Variants in PPM1B observed in about 807,000 individuals in gnomAD.
The protein encoded by PPM1B is protein phosphatase, Mg2+/Mn2+ dependent 1B.
Under a neutral mutation model 43.0 loss-of-function variants are expected in PPM1B, and 22 were observed. That is an observed-to-expected ratio of 0.51 (90% confidence interval 0.37 to 0.73). PPM1B has a LOEUF of 0.73. Ranked by LOEUF, PPM1B falls within the 30% of genes least tolerant of loss-of-function variation. The pLI is 0.00. For synonymous variants in PPM1B, 217 were observed against 197.9 expected (o/e 1.10, Z -0.81); for missense variants, 632 against 584.2 (o/e 1.08, Z -0.84).
intron 1 of PPM1B, among the ~76,000 whole-genome samples, chr2:44,173,235 T>G (rs574850476): frequency 1.2e-4 from 18 of 152,358 alleles, no homozygotes; most frequent in Non-Finnish European, 2.4e-4. Context: ...AAGAACCCTT[T>G]ACTAAATTCT....
At chr2:44,212,596 A>C (rs1224420465) in intron 3 of PPM1B, among the ~76,000 whole-genome samples, 2 of 152,182 alleles carry the variant, frequency 1.3e-5, no homozygotes, top group Non-Finnish European at 2.9e-5. Context: ...GATATGTTTG[A>C]GTTTAAATCT....
At chr2:44,179,059 A>C (rs148555806) in intron 1 of PPM1B, among the ~76,000 whole-genome samples, 509 of 152,280 alleles carry the variant, frequency 3.3e-3, no homozygotes, top group African/African-American at 0.012. Flanking sequence ...TAATTGAATC[A>C]TGGGGACAGG....
downstream of PPM1B, among the ~76,000 whole-genome samples, chr2:44,235,051 C>T (rs1670573085): frequency 2.0e-5 from 3 of 152,150 alleles, no homozygotes; most frequent in Admixed American, 2.0e-4. Flanking sequence ...ATATTTTAGT[C>T]ACTTCAGATA....
chr2:44,242,617 G>C (rs763242450), intron 5 of PPM1B, among the ~76,000 whole-genome samples: 1 of 152,136 alleles, frequency 6.6e-6, no homozygotes, highest in Non-Finnish European at 1.5e-5. Context: ...TTTCTTACCA[G>C]TGTTGCACAT....
intron 3 of PPM1B, among the ~76,000 whole-genome samples, chr2:44,210,714 T>C (rs1047748935): frequency 6.6e-6 from 1 of 152,124 alleles, no homozygotes; most frequent in Non-Finnish European, 1.5e-5. Flanking sequence ...TCTCCTCTTA[T>C]TCCCCTGCCC....
At chr2:44,232,916 C>T (rs145842251), downstream of PPM1B, 44 of 976,114 alleles carry the variant, frequency 4.5e-5, no homozygotes, top group African/African-American at 6.7e-4. Flanking sequence ...CAATAATGTC[C>T]AAATTGTAAT....
intron 1 of PPM1B, among the ~76,000 whole-genome samples, chr2:44,187,569 G>T (rs983041383): frequency 3.9e-5 from 6 of 152,042 alleles, no homozygotes; most frequent in African/African-American, 1.5e-4. Context: ...TCTAAACATG[G>T]GATCTCTCCC....
rs554792833 is a variant in PPM1B at position 44,209,637 on chromosome 2, C to T, written c.964+310C>T. On this transcript the variant is annotated intron_variant, in intron 3 of 5. Transcript: ENST00000282412. ...CTAAAAATACAGAAAATTAGCCGGGCATGGTGGCACACACCTGTAGTCCCA... is the reference window on the plus strand; with the variant it reads ...CTAAAAATACAGAAAATTAGCCGGGTATGGTGGCACACACCTGTAGTCCCA... Among the ~76,000 whole-genome samples the T allele has an allele frequency of 2.3e-4, 35 of 152,178 alleles. No homozygotes were observed. The South Asian group carries it at 7.0e-3, about 31-fold the overall frequency.
chr2:44,227,601 C>T (rs988662479), intron 5 of PPM1B, among the ~76,000 whole-genome samples: 1 of 151,134 alleles, frequency 6.6e-6, no homozygotes, highest in African/African-American at 2.4e-5. Flanking sequence ...TCACTGCAAC[C>T]TCCACCTCCT....
intron 1 of PPM1B, among the ~76,000 whole-genome samples, chr2:44,199,610 C>T (rs1481483843): frequency 6.6e-6 from 1 of 152,134 alleles, no homozygotes; most frequent in Admixed American, 6.5e-5. Flanking sequence ...GTACTTAGAA[C>T]TAGGCTTTAA....
At chr2:44,223,495 C>G (rs2104244604) in intron 5 of PPM1B, among the ~76,000 whole-genome samples, 1 of 152,002 alleles carries the variant, frequency 6.6e-6, no homozygotes, top group African/African-American at 2.4e-5. Context: ...CAAAGCATTG[C>G]TATGGAGAAG....
At chr2:44,214,154 A>G (rs1173682310) in intron 3 of PPM1B, among the ~76,000 whole-genome samples, 1 of 152,206 alleles carries the variant, frequency 6.6e-6, no homozygotes, top group Non-Finnish European at 1.5e-5. Context: ...ATCTCGGCTC[A>G]CTGCAAGCTT....
Position 44,202,045 on chromosome 2 carries a change from G to T in PPM1B, c.846G>T (p.Lys282Asn). 1 of 1,538,296 alleles carries T rather than the reference G, an allele frequency of 6.5e-7. No homozygotes were observed. Among genetic ancestry groups the T allele is most frequent in the Non-Finnish European group, 8.7e-7 (1 of 1,144,488 alleles). The change falls in exon 2 of 6, where the codon AAG becomes AAT. Residue 282 changes from lysine to asparagine, a missense_variant and splice_region_variant. Lys to Asn is a moderately conservative substitution (Grantham distance 94). Transcript: ENST00000282412. ...CNWVVDTCLH[K>N]GSRDNMSIVL... Reference sequence around the variant, plus strand: ...GGGTAGTGGACACTTGTTTACACAAGGTATGTAAACTTTTTTGTCATTAAA... The same window carrying T: ...GGGTAGTGGACACTTGTTTACACAATGTATGTAAACTTTTTTGTCATTAAA...
At chr2:44,188,011 A>G (rs149971954) in intron 1 of PPM1B, among the ~76,000 whole-genome samples, 1 of 152,188 alleles carries the variant, frequency 6.6e-6, no homozygotes, top group Non-Finnish European at 1.5e-5. Flanking sequence ...CGGCCTCCCA[A>G]GGTGCTAGGA....
intron 5 of PPM1B, chr2:44,229,876 T>G: frequency 1.1e-6 from 1 of 946,040 alleles, no homozygotes; most frequent in Non-Finnish European, 1.5e-6. Context: ...CTAGAGATGT[T>G]TTTATCAAAA....
chr2:44,180,927 T>C (rs1342811498), intron 1 of PPM1B, among the ~76,000 whole-genome samples: 2 of 151,260 alleles, frequency 1.3e-5, no homozygotes, highest in Non-Finnish European at 2.9e-5. Flanking sequence ...GTAGGAAGAG[T>C]TGGGATGACA....
downstream of PPM1B, among the ~76,000 whole-genome samples, chr2:44,238,434 C>T (rs184450654): frequency 3.3e-3 from 499 of 152,168 alleles, no homozygotes; most frequent in African/African-American, 0.012. Context: ...GGGCACAGTG[C>T]CTCACGCCTG....
chr2:44,212,539 A>C (rs941069351), intron 3 of PPM1B, among the ~76,000 whole-genome samples: 3 of 152,236 alleles, frequency 2.0e-5, no homozygotes, highest in Non-Finnish European at 4.4e-5. Flanking sequence ...ATTATTCAGG[A>C]ACATGAGAAG....
intron 1 of PPM1B, among the ~76,000 whole-genome samples, chr2:44,178,751 T>A (rs1667717650): frequency 6.6e-6 from 1 of 152,158 alleles, no homozygotes; most frequent in Non-Finnish European, 1.5e-5. Context: ...ATTACAGGCA[T>A]GAGCCACCAT....
Sources: gnomAD v4.1 joint callset for allele counts (sites outside exome capture counted in the v4.1 genomes callset) on GRCh38, gnomAD v4.1.1 for gene constraint, MANE v1.5 for transcripts, NCBI Gene and HGNC (gene_info 2026-07-23, HGNC 2026-07-21) for gene names.